The following ST3GAL3 variants were observed in gnomAD, a reference collection of about 807,000 sequenced individuals.
ST3GAL3 encodes the protein ST3 beta-galactoside alpha-2,3-sialyltransferase 3, also known as CMP-N-acetylneuraminate-beta-1,4-galactoside alpha-2,3-sialyltransferase.
In ST3GAL3, 21 loss-of-function variants were observed where a neutral mutation model predicts 50.1. The observed-to-expected ratio is 0.42, with a 90% CI of 0.30 to 0.60. The LOEUF is 0.60. Ranked by LOEUF, ST3GAL3 falls within the 20% of genes least tolerant of loss-of-function variation. ST3GAL3 has a pLI of 0.19. For missense variants in ST3GAL3, 353 were observed against 489.4 expected, an observed-to-expected ratio of 0.72 and a Z score of 2.63; for synonymous variants, 183 against 190.0, an observed-to-expected ratio of 0.96 and a Z score of 0.30.
intron 2 of ST3GAL3, among the ~76,000 whole-genome samples, chr1:43,752,735 T>C (rs770084488): frequency 2.0e-5 from 3 of 152,156 alleles, no homozygotes; most frequent in Non-Finnish European, 4.4e-5. Context: ...ACTCCTGGGC[T>C]CAAGCGATCC....
rs371567408 is a variant in ST3GAL3, at chr1:43,736,367, G to C, written c.105G>C (p.Trp35Cys). The change falls in exon 2 of 12, where the codon TGG becomes TGC. Residue 35 changes from tryptophan (W) to cysteine (C), a missense_variant. Coordinates refer to ENST00000347631, the MANE Select transcript of ST3GAL3 (RefSeq NM_006279.5). ...CGTGGAAGCTACACTTACTCCAGTG[G>C]GAGGAGGACTCCAGTAAGTATAGTC... ...YSAWKLHLLQ[W>C]EEDSNSVVLS... is the part of the protein sequence containing the mutation. 1.2e-6 allele frequency: 2 copies of C among 1,614,014 alleles called. No individual in the cohort carries two copies. The highest frequency in any genetic ancestry group is 2.7e-5 in the African/African-American group (2 of 74,896).
chr1:43,785,185 A>G (rs1219538912), intron 2 of ST3GAL3, among the ~76,000 whole-genome samples: 2 of 152,178 alleles, frequency 1.3e-5, no homozygotes, highest in Admixed American at 6.5e-5. Flanking sequence ...GGCGACGTGA[A>G]CATTGAGGTA....
At chr1:43,746,143 AG>A (rs1683536456) in intron 2 of ST3GAL3, among the ~76,000 whole-genome samples, 2 of 152,356 alleles carry the variant, frequency 1.3e-5, no homozygotes, top group South Asian at 4.1e-4. Flanking sequence ...ATATTTAGTC[AG>A]TCCCAAAGAA....
At chr1:43,773,537 C>T (rs1189444109) in intron 2 of ST3GAL3, among the ~76,000 whole-genome samples, 1 of 152,174 alleles carries the variant, frequency 6.6e-6, no homozygotes, top group Non-Finnish European at 1.5e-5. Flanking sequence ...ACATTTTCCA[C>T]ATTTGTCCTA....
At chr1:43,865,104 C>T (rs2071000129) in intron 5 of ST3GAL3, among the ~76,000 whole-genome samples, 1 of 151,770 alleles carries the variant, frequency 6.6e-6, no homozygotes, top group South Asian at 2.1e-4. Flanking sequence ...GCAAGCTCCG[C>T]CTCCCGGGTT....
intron 5 of ST3GAL3, among the ~76,000 whole-genome samples, chr1:43,869,564 C>T (rs1406090031): frequency 6.6e-6 from 1 of 152,112 alleles, no homozygotes; most frequent in African/African-American, 2.4e-5. Context: ...CCTCATAATG[C>T]CTCACACCCA....
chr1:43,711,198 C>T (rs72884945), intron 1 of ST3GAL3, among the ~76,000 whole-genome samples: 11,154 of 152,250 alleles, frequency 0.073, 1,371 homozygotes, highest in African/African-American at 0.26. Flanking sequence ...CTTGACTTCT[C>T]ATTCATGTGA....
chr1:43,870,514 A>T (rs1284672960), intron 5 of ST3GAL3, among the ~76,000 whole-genome samples: 1 of 152,080 alleles, frequency 6.6e-6, no homozygotes, highest in Non-Finnish European at 1.5e-5. Flanking sequence ...CCTTCACTGG[A>T]CTGGTCTGGT....
At chr1:43,861,696 C>G (rs2069972199) in intron 5 of ST3GAL3, among the ~76,000 whole-genome samples, 1 of 152,134 alleles carries the variant, frequency 6.6e-6, no homozygotes, top group African/African-American at 2.4e-5. Context: ...CCTGCTAGTC[C>G]CCCAACCTGG....
At chr1:43,871,386 G>C (rs1204556470) in intron 5 of ST3GAL3, among the ~76,000 whole-genome samples, 2 of 152,100 alleles carry the variant, frequency 1.3e-5, no homozygotes, top group Non-Finnish European at 2.9e-5. Context: ...CCATGGGTGA[G>C]GACTGTTGGA....
chr1:43,715,401 T>G (rs474273), intron 1 of ST3GAL3, among the ~76,000 whole-genome samples: 1 of 152,120 alleles, frequency 6.6e-6, no homozygotes, highest in African/African-American at 2.4e-5. Flanking sequence ...TAGTGAAACT[T>G]CATATCTACC....
intron 2 of ST3GAL3, among the ~76,000 whole-genome samples, chr1:43,783,081 G>A (rs11210920): frequency 0.26 from 40,171 of 151,866 alleles, 6,739 homozygotes; most frequent in East Asian, 0.54. Context: ...TTTGAACTTT[G>A]TGTTACTCTT....
intron 6 of ST3GAL3, among the ~76,000 whole-genome samples, chr1:43,897,732 G>A (rs1343621109): frequency 6.6e-6 from 1 of 152,192 alleles, no homozygotes; most frequent in Non-Finnish European, 1.5e-5. Flanking sequence ...GAGGAAGTGA[G>A]GGAAAGGTGA....
intron 11 of ST3GAL3, chr1:43,921,351 A>G (rs1422333741): frequency 2.2e-6 from 1 of 457,002 alleles, no homozygotes; most frequent in Non-Finnish European, 3.8e-6. Context: ...AGCTCTTCAT[A>G]CCCCGAATTG....
intron 1 of ST3GAL3, among the ~76,000 whole-genome samples, chr1:43,716,869 C>G (rs1260334054): frequency 6.6e-6 from 1 of 152,166 alleles, no homozygotes; most frequent in Non-Finnish European, 1.5e-5. Flanking sequence ...CCCGTACATC[C>G]CCTCTTTGAG....
intron 2 of ST3GAL3, among the ~76,000 whole-genome samples, chr1:43,740,901 C>T (rs182995329): frequency 4.2e-4 from 48 of 115,540 alleles, no homozygotes; most frequent in Non-Finnish European, 6.4e-4. Context: ...AGAAAGGGAG[C>T]GAGGAAGGGA....
At position 43,749,843 on chromosome 1, in the gene ST3GAL3, C is replaced by T. The variant is rs74950162; in HGVS notation, c.118+13463C>T. The stretch of plus-strand genomic sequence containing the variant: ...AAGGGCTTGACAGAGAGAGTTTGGT[C>T]CCTTTTTGCCCCTTCTGCCTTCTGC... On this transcript the variant is annotated intron_variant, in intron 2 of 11. Transcript: ENST00000347631. 5.3e-3 allele frequency among the ~76,000 whole-genome samples: 806 copies of T among 152,170 alleles called. 16 individuals are homozygous for T. The highest frequency in any genetic ancestry group is 0.018 in the African/African-American group (749 of 41,516).
intron 5 of ST3GAL3, chr1:43,850,672 G>A (rs957441357): frequency 4.1e-6 from 3 of 725,160 alleles, no homozygotes; most frequent in African/African-American, 3.4e-5. Flanking sequence ...AGATCCACGA[G>A]GATCAAATGT....
At chr1:43,803,278 C>T (rs901680728) in intron 3 of ST3GAL3, among the ~76,000 whole-genome samples, 6 of 151,672 alleles carry the variant, frequency 4.0e-5, no homozygotes, top group Non-Finnish European at 7.4e-5. Context: ...CACAGTGGTA[C>T]GCACCTAGAG....
Sources: allele counts gnomAD v4.1 joint callset (sites outside exome capture counted in the v4.1 genomes callset), GRCh38; gene constraint gnomAD v4.1.1; transcripts MANE v1.5; gene names NCBI Gene and HGNC (gene_info 2026-07-23, HGNC 2026-07-21).